Variants in SUFU observed in about 807,000 individuals in gnomAD.
SUFU encodes suppressor of fused homolog.
A neutral mutation model predicts 58.9 loss-of-function variants in SUFU; 7 were observed. That is an observed-to-expected ratio of 0.12 (90% confidence interval 0.07 to 0.22). SUFU has a LOEUF of 0.22. Among genes scored for constraint, SUFU ranks in the 10% least tolerant of loss-of-function variants. SUFU has a pLI of 1.00. For synonymous variants in SUFU, 232 were observed against 254.8 expected (o/e 0.91, Z 0.85); for missense variants, 451 against 641.3 (o/e 0.70, Z 3.20).
At chr10:102,548,309 TG>T (rs1357015673) in intron 2 of SUFU, among the ~76,000 whole-genome samples, 1 of 152,220 alleles carries the variant, frequency 6.6e-6, no homozygotes, top group African/African-American at 2.4e-5. Flanking sequence ...GCAGGAGGTC[TG>T]GGTTCACCCA....
At chr10:102,519,477 A>G (rs1034887538) in intron 2 of SUFU, among the ~76,000 whole-genome samples, 9 of 149,002 alleles carry the variant, frequency 6.0e-5, no homozygotes, top group African/African-American at 2.2e-4. Context: ...CAGTGAGCTG[A>G]GATCATGCCA....
At chr10:102,575,672 G>A (rs2063205473) in intron 3 of SUFU, among the ~76,000 whole-genome samples, 1 of 152,172 alleles carries the variant, frequency 6.6e-6, no homozygotes, top group Admixed American at 6.5e-5. Context: ...TTTGAAGGAG[G>A]CAGACATTCA....
At chr10:102,581,742 C>T (rs1013399749) in intron 3 of SUFU, among the ~76,000 whole-genome samples, 3 of 152,196 alleles carry the variant, frequency 2.0e-5, no homozygotes, top group African/African-American at 7.2e-5. Context: ...ATGTCTGGCA[C>T]ATCTGACATT....
At position 102,628,877 on chromosome 10, in the gene SUFU, C is replaced by T. The variant is rs2063811354; in HGVS notation, c.1366-1189C>T. 6.6e-6 allele frequency among the ~76,000 whole-genome samples: 1 copy of T among 152,140 alleles called. No homozygotes were observed. Among genetic ancestry groups the T allele is most frequent in the Non-Finnish European group, 1.5e-5 (1 of 68,024 alleles). On this transcript the variant is annotated intron_variant, in intron 11 of 11. Coordinates refer to ENST00000369902, the MANE Select transcript of SUFU (RefSeq NM_016169.4). This position sits in a 1 kb window ranked among gnomAD's most constrained non-coding sequence, Gnocchi z 4.5. ...AAATTAGAAAAGACAGACCCTGGGC[C>T]GGGCGCAGTGACTCATGTCTGTAAT...
intron 3 of SUFU, among the ~76,000 whole-genome samples, chr10:102,563,971 C>T (rs1360048797): frequency 6.6e-6 from 1 of 152,170 alleles, no homozygotes; most frequent in East Asian, 1.9e-4. Context: ...TGTCTCAAGC[C>T]TGCTCTATCC....
At chr10:102,558,914 G>A (rs1449699732) in intron 3 of SUFU, among the ~76,000 whole-genome samples, 1 of 152,234 alleles carries the variant, frequency 6.6e-6, no homozygotes, top group Admixed American at 6.5e-5. Context: ...ACCCTGACCA[G>A]AGTGGCCTAA....
At chr10:102,623,628 A>G (rs1454525777) in intron 10 of SUFU, among the ~76,000 whole-genome samples, 1 of 152,242 alleles carries the variant, frequency 6.6e-6, no homozygotes, top group Admixed American at 6.5e-5. Context: ...ATGAGATCAG[A>G]TAGCCGTTCC....
chr10:102,599,487 C>T lies in SUFU; in HGVS notation c.965C>T (p.Pro322Leu). The T allele has an allele frequency of 6.2e-7, 1 of 1,614,230 alleles. No individual in the cohort carries two copies. The highest frequency in any genetic ancestry group is 8.5e-7 in the Non-Finnish European group (1 of 1,180,044). Reference protein sequence around the residue: ...LRRGLEINSKPVLPPINPQRQ... With the variant: ...LRRGLEINSKLVLPPINPQRQ... The stretch of plus-strand genomic sequence containing the variant: ...AGAGGACTCGAGATCAACAGCAAAC[C>T]TGTCCTTCCACCAATCAACCCTCAG... Residue 322 changes from proline to leucine, a missense_variant, in exon 8 of 12, where the codon CCT (proline) becomes CTT (leucine). Physicochemically the swap from Pro to Leu is moderately conservative, Grantham distance 98 (BLOSUM62 -3). Coordinates refer to ENST00000369902, the MANE Select transcript of SUFU (RefSeq NM_016169.4).
chr10:102,618,768 C>G (rs193193703), intron 10 of SUFU: 2 of 500,452 alleles, frequency 4.0e-6, no homozygotes, highest in South Asian at 7.0e-5. Context: ...AAGGGCCTCC[C>G]TCCATTCCCT....
intron 3 of SUFU, among the ~76,000 whole-genome samples, chr10:102,554,408 C>T (rs1329813988): frequency 3.3e-5 from 5 of 152,014 alleles, no homozygotes; most frequent in Non-Finnish European, 7.4e-5. Context: ...TGTCTCAAAA[C>T]AAAACAAAGC....
intron 8 of SUFU, among the ~76,000 whole-genome samples, chr10:102,610,844 C>T (rs1255083812): frequency 6.6e-6 from 1 of 152,146 alleles, no homozygotes; most frequent in African/African-American, 2.4e-5. Flanking sequence ...ATGTAATCAG[C>T]CAGACATATG....
chr10:102,562,933 A>G (rs960083127), intron 3 of SUFU, among the ~76,000 whole-genome samples: 1 of 152,184 alleles, frequency 6.6e-6, no homozygotes, highest in Non-Finnish European at 1.5e-5. Flanking sequence ...TATCATAGGT[A>G]CTTACCTTCT....
At chr10:102,561,652 G>A (rs890517140) in intron 3 of SUFU, among the ~76,000 whole-genome samples, 5 of 146,764 alleles carry the variant, frequency 3.4e-5, no homozygotes, top group Non-Finnish European at 7.4e-5. Flanking sequence ...TTTAGGGTTA[G>A]GAAAGACCAG....
rs1374185589 is a variant in SUFU at position 102,503,987 on chromosome 10, G to T, written c.-166G>T. 2.9e-6 allele frequency: 3 copies of T among 1,032,156 alleles called. No homozygotes were observed. Among genetic ancestry groups the T allele is most frequent in the African/African-American group, 3.4e-5 (2 of 58,578 alleles). 63.9% of individuals were successfully genotyped at this position (1,032,156 alleles called of 1,614,324 possible). On this transcript the variant is annotated 5_prime_UTR_variant, in exon 1 of 12. Transcript: ENST00000369902. ...ACCCTCTGGCAGACTCGGCGGCGGC[G>T]ACAGCCTGGGCGGACAGTGCGCCGT...
In SUFU at chr10:102,597,255, T is replaced by C. The variant is rs587778698; in HGVS notation, c.872T>C (p.Ile291Thr). Residue 291 changes from isoleucine to threonine, a missense_variant, in exon 7 of 12, where the codon ATC (isoleucine) becomes ACC (threonine). Physicochemically the swap from Ile to Thr is moderately conservative, Grantham distance 89. Coordinates refer to ENST00000369902, the MANE Select transcript of SUFU (RefSeq NM_016169.4). ...GAGGATGACGAGGACAGCCGGAGCATCTGCATCGGCACACAGCCCCGGCGA... is the reference window on the plus strand; with the variant it reads ...GAGGATGACGAGGACAGCCGGAGCACCTGCATCGGCACACAGCCCCGGCGA... ...PPEDDEDSRS[I>T]CIGTQPRRLS... The C allele has an allele frequency of 1.2e-6, 2 of 1,613,780 alleles. No homozygotes were observed. The highest frequency in any genetic ancestry group is 1.7e-6 in the Non-Finnish European group (2 of 1,179,986).
At chr10:102,556,749 A>AAAGGGAGGGAGGG (rs1221853297) in intron 3 of SUFU, among the ~76,000 whole-genome samples, 1 of 59,764 alleles carries the variant, frequency 1.7e-5, no homozygotes, top group African/African-American at 6.8e-5. Context: ...AAAAAAAAAA[A>AAAGGGAGGGAGGG]AGGAAGGGAG....
chr10:102,612,719 C>T (rs997144244), intron 8 of SUFU, among the ~76,000 whole-genome samples: 3 of 152,166 alleles, frequency 2.0e-5, no homozygotes, highest in African/African-American at 7.2e-5. Context: ...AGGCAGGAAC[C>T]GGTGGTCAAA....
chr10:102,574,473 C>T (rs914707197), intron 3 of SUFU, among the ~76,000 whole-genome samples: 1 of 152,072 alleles, frequency 6.6e-6, no homozygotes, highest in East Asian at 1.9e-4. Flanking sequence ...TATGGCCAGG[C>T]GTTGTGGCTC....
At chr10:102,627,074 A>T in intron 10 of SUFU, 101 bp from the exon 11 acceptor site, 1 of 1,296,516 alleles carries the variant, frequency 7.7e-7, no homozygotes, top group Non-Finnish European at 1.1e-6. Context: ...CAGTGAGCTC[A>T]TCTCTCCTCC....
Sources: allele counts gnomAD v4.1 joint callset (sites outside exome capture counted in the v4.1 genomes callset), GRCh38; gene constraint gnomAD v4.1.1; non-coding constraint Gnocchi (gnomAD v3.1); transcripts MANE v1.5; gene names NCBI Gene and HGNC (gene_info 2026-07-23, HGNC 2026-07-21).